PCDH19: variants seen among roughly 807,000 people sequenced by gnomAD.
PCDH19 encodes the protein protocadherin-19.
In PCDH19, 6 loss-of-function variants were observed where a neutral mutation model predicts 46.2. The ratio of observed to expected loss-of-function variants is 0.13; its 90% CI spans 0.07 to 0.26. PCDH19 has a LOEUF of 0.26. Among genes scored for constraint, PCDH19 ranks in the 10% least tolerant of loss-of-function variants. The probability of loss-of-function intolerance (pLI) is 1.00; values close to 1 mark genes in which losing one functional copy is unlikely to be tolerated. For missense variants in PCDH19, 740 were observed against 972.3 expected (o/e 0.76, Z 3.18); for synonymous variants, 481 against 415.7 (o/e 1.16, Z -1.91).
intron 1 of PCDH19, among the ~76,000 whole-genome samples, chrX:100,403,937 A>G (rs1310138044): frequency 8.9e-6 from 1 of 112,293 alleles, no homozygotes; most frequent in Non-Finnish European, 1.9e-5. Flanking sequence ...TCAGCAAAAC[A>G]ATAGGGTTAA....
At chrX:100,384,987 T>G (rs1457086036) in intron 3 of PCDH19, among the ~76,000 whole-genome samples, 2 of 109,761 alleles carry the variant, frequency 1.8e-5, no homozygotes, top group African/African-American at 6.6e-5. Flanking sequence ...GGTGAAAACC[T>G]GTCTCTACTA....
chrX:100,303,815 T>C, intron 5 of PCDH19, among the ~76,000 whole-genome samples: 1 of 111,677 alleles, frequency 9.0e-6, no homozygotes, highest in Non-Finnish European at 1.9e-5. Context: ...AGCCTCGTCC[T>C]TGTTAGCAGC....
At chrX:100,303,849 G>A (rs961482307) in intron 5 of PCDH19, among the ~76,000 whole-genome samples, 1 of 111,846 alleles carries the variant, frequency 8.9e-6, no homozygotes, top group African/African-American at 3.3e-5. Context: ...ACTATGGAAT[G>A]ACAGACAGAC....
chrX:100,363,615 TTATATATATA>T (rs60968315), intron 3 of PCDH19, among the ~76,000 whole-genome samples: 1 of 89,589 alleles, frequency 1.1e-5, no homozygotes, highest in Non-Finnish European at 2.1e-5. Context: ...ATGGGAAGTT[TTATATATATA>T]TATATATATA....
intron 5 of PCDH19, among the ~76,000 whole-genome samples, chrX:100,315,410 G>C (rs1303301796): frequency 4.5e-5 from 5 of 112,234 alleles, no homozygotes; most frequent in Non-Finnish European, 9.4e-5. Flanking sequence ...TCAACTATTT[G>C]CTCATTAGAA....
At chrX:100,369,994 G>T (rs778698888) in intron 3 of PCDH19, among the ~76,000 whole-genome samples, 1 of 111,504 alleles carries the variant, frequency 9.0e-6, no homozygotes, top group East Asian at 2.8e-4. Flanking sequence ...TTCCATTTCG[G>T]CATCACCAGC....
intron 5 of PCDH19, among the ~76,000 whole-genome samples, chrX:100,299,932 A>AT (rs952840023): frequency 1.3e-4 from 15 of 111,815 alleles, no homozygotes; most frequent in South Asian, 3.7e-4. Context: ...TGATACCTAT[A>AT]TTTTTTTTAA....
In PCDH19 at chrX:100,408,647, C is replaced by T. The variant is rs1302265252; in HGVS notation, c.-50G>A. On this transcript the variant is annotated 5_prime_UTR_variant, in exon 1 of 6. Coordinates refer to ENST00000373034, the MANE Select transcript of PCDH19 (RefSeq NM_001184880.2). Reference sequence around the variant, plus strand: ...TCGCCTCTCCACACCCCTCCGAGACCGACGCCGTCGGCGCTCCAGCTTCCC... The same window carrying T: ...TCGCCTCTCCACACCCCTCCGAGACTGACGCCGTCGGCGCTCCAGCTTCCC... The T allele has an allele frequency of 9.7e-7, 1 of 1,027,395 alleles. No homozygotes were observed. The highest frequency in any genetic ancestry group is 1.3e-6 in the Non-Finnish European group (1 of 758,155). The allele number at this position is 1,027,395 out of a possible 1,213,427, so 84.7% of individuals were successfully genotyped here. A position where few individuals can be genotyped will look rare whatever the true frequency, so the allele number is the denominator to read the frequency against.
intron 5 of PCDH19, among the ~76,000 whole-genome samples, chrX:100,312,104 TGAGA>T (rs5903157): frequency 2.9e-5 from 3 of 103,622 alleles, no homozygotes; most frequent in Non-Finnish European, 4.0e-5. Flanking sequence ...CCTAAAACAT[TGAGA>T]GAGAGAGAGA....
At chrX:100,360,094 TTA>T (rs1926838451) in intron 3 of PCDH19, among the ~76,000 whole-genome samples, 1 of 111,934 alleles carries the variant, frequency 8.9e-6, no homozygotes, top group South Asian at 3.7e-4. Context: ...TTCAAAATAT[TTA>T]GAGAGAAAGC....
chrX:100,347,917 T>A (rs1322185622), intron 4 of PCDH19, among the ~76,000 whole-genome samples: 3 of 106,270 alleles, frequency 2.8e-5, no homozygotes, highest in Non-Finnish European at 3.9e-5. Flanking sequence ...AAAAAAAAAA[T>A]TAGCCAGGCA....
Position 100,408,727 on chromosome X carries a change from A to G in PCDH19, c.-130T>C. On this transcript the variant is annotated 5_prime_UTR_variant, in exon 1 of 6. Coordinates refer to ENST00000373034, the MANE Select transcript of PCDH19 (RefSeq NM_001184880.2). ...CCGTGGCCCCGGAGGCCGCGGGAGA[A>G]GTCCCGCCCAGGGCGGCCCGGCGGC... The G allele has an allele frequency of 2.1e-6, 1 of 479,297 alleles. No individual in the cohort carries two copies. The highest frequency in any genetic ancestry group is 5.2e-5 in the South Asian group (1 of 19,101). 39.5% of individuals were successfully genotyped at this position (479,297 alleles called of 1,213,427 possible).
intron 4 of PCDH19, among the ~76,000 whole-genome samples, chrX:100,348,171 A>C (rs1158990374): frequency 1.8e-5 from 2 of 111,375 alleles, no homozygotes; most frequent in Non-Finnish European, 3.8e-5. Context: ...CTTGATAGTA[A>C]AATTAAAACT....
At chrX:100,332,319 C>G (rs777243464) in intron 5 of PCDH19, among the ~76,000 whole-genome samples, 84 of 111,435 alleles carry the variant, frequency 7.5e-4, no homozygotes, top group African/African-American at 2.5e-3. Flanking sequence ...GTCAGGAGTT[C>G]GAGACCAGCC....
intron 5 of PCDH19, among the ~76,000 whole-genome samples, chrX:100,316,696 T>C (rs1326106354): frequency 1.8e-5 from 2 of 112,050 alleles, no homozygotes; most frequent in Admixed American, 9.4e-5. Context: ...TATGAAGAAA[T>C]TGCATTTCCT....
At chrX:100,323,890 A>C (rs1263671392) in intron 5 of PCDH19, among the ~76,000 whole-genome samples, 1 of 111,696 alleles carries the variant, frequency 9.0e-6, no homozygotes, top group African/African-American at 3.3e-5. Flanking sequence ...GGTTGGAGAA[A>C]GAACTAAATA....
chrX:100,322,833 G>GTATATATATATA lies in PCDH19; in HGVS notation c.2848+19058_2848+19069dup, dbSNP rs60720039. Among the ~76,000 whole-genome samples the GTATATATATATA allele has an allele frequency of 3.4e-3, 166 of 48,755 alleles. 3 individuals carry two copies. Among genetic ancestry groups the GTATATATATATA allele is most frequent in the Admixed American group, 0.026 (93 of 3,607 alleles). 42.3% of individuals were successfully genotyped at this position (48,755 alleles called of 115,157 possible). ...CCTCCTTGGTTAGGTATATTCCTAA[G>GTATATATATATA]TATATATATATATATATATATATAT... On this transcript the variant is annotated intron_variant, in intron 5 of 5. Transcript: ENST00000373034.
chrX:100,349,203 G>A (rs1320070537), intron 4 of PCDH19, among the ~76,000 whole-genome samples: 3 of 111,974 alleles, frequency 2.7e-5, no homozygotes, highest in Non-Finnish European at 5.6e-5. Flanking sequence ...ATAACAATTC[G>A]GAAGCAGAAA....
chrX:100,385,128 AGACCT>A (rs1376027434), intron 3 of PCDH19, among the ~76,000 whole-genome samples: 1 of 104,127 alleles, frequency 9.6e-6, no homozygotes, highest in Non-Finnish European at 2.0e-5. Flanking sequence ...CACTGCACTC[AGACCT>A]GGGCGACAGA....
Sources: gnomAD v4.1 joint callset for allele counts (sites outside exome capture counted in the v4.1 genomes callset) on GRCh38, gnomAD v4.1.1 for gene constraint, MANE v1.5 for transcripts, NCBI Gene and HGNC (gene_info 2026-07-23, HGNC 2026-07-21) for gene names.